The following DST variants were observed in gnomAD, a reference collection of about 807,000 sequenced individuals.
The protein encoded by DST is bullous pemphigoid antigen.
Under a neutral mutation model 875.2 loss-of-function variants are expected in DST, and 253 were observed. That is an observed-to-expected ratio of 0.29 (90% CI 0.26 to 0.32). DST has a LOEUF of 0.32. Ranked by LOEUF, DST falls within the 10% of genes least tolerant of loss-of-function variation. The pLI is 1.00. For synonymous variants in DST, 3,124 were observed against 3,197.1 expected, an observed-to-expected ratio of 0.98 and a Z score of 0.77; for missense variants, 8,287 against 9,111.6, an observed-to-expected ratio of 0.91 and a Z score of 3.68.
intron 103 of DST, 48 bp downstream of exon 103, chr6:56,460,083 A>G: frequency 6.4e-7 from 1 of 1,568,446 alleles, no homozygotes; most frequent in Non-Finnish European, 8.7e-7. Flanking sequence ...TAATCCTCAG[A>G]TGACCATGCT....
At chr6:56,853,161 C>T (rs1766126099) in intron 3 of DST, among the ~76,000 whole-genome samples, 1 of 152,076 alleles carries the variant, frequency 6.6e-6, no homozygotes, top group Non-Finnish European at 1.5e-5. Context: ...AGCTGTCTTC[C>T]ATTTTATTTT....
In DST at chr6:56,607,375, T is replaced by C; in HGVS notation, c.7253A>G (p.Asn2418Ser). 1 of 1,612,956 alleles carries C rather than the reference T, an allele frequency of 6.2e-7. No homozygotes were observed. Among genetic ancestry groups the C allele is most frequent in the Non-Finnish European group, 8.5e-7 (1 of 1,179,614 alleles). Residue 2418 changes from asparagine (N) to serine (S), a missense_variant, in exon 40 of 104, where the codon AAT (asparagine) becomes AGT (serine). Coordinates refer to ENST00000680361, the MANE Select transcript of DST (RefSeq NM_001374736.1). Reference sequence around the variant, plus strand: ...TGAATCCCTGTTTGTATTATCTTCATTCTCTGTTTCATTCACACCACAGAA... The same window carrying C: ...TGAATCCCTGTTTGTATTATCTTCACTCTCTGTTTCATTCACACCACAGAA... ...SKFCGVNETE[N>S]EDNTNRDSPI... is the part of the protein sequence containing the mutation.
At chr6:56,800,275 T>C (rs1033571488) in intron 4 of DST, among the ~76,000 whole-genome samples, 1 of 152,224 alleles carries the variant, frequency 6.6e-6, no homozygotes, top group Non-Finnish European at 1.5e-5. Context: ...GTATAGTGTT[T>C]TGAAAGTTAT....
At chr6:56,704,809 A>G (rs1429287217) in intron 5 of DST, among the ~76,000 whole-genome samples, 1 of 152,194 alleles carries the variant, frequency 6.6e-6, no homozygotes, top group African/African-American at 2.4e-5. Flanking sequence ...AAATCCATAG[A>G]CGTGAGCTGG....
intron 33 of DST, among the ~76,000 whole-genome samples, chr6:56,627,575 C>T (rs1179633522): frequency 6.6e-6 from 1 of 152,130 alleles, no homozygotes; most frequent in African/African-American, 2.4e-5. Flanking sequence ...GAAAATAGAG[C>T]TAGAGATGAT....
Position 56,604,608 on chromosome 6 carries a change from C to G in DST, c.10020G>C (p.Lys3340Asn). Residue 3340 changes from lysine to asparagine, a missense_variant, in exon 40 of 104, where the codon AAG (lysine) becomes AAC (asparagine). This residue lies in a region of DST where 3,138 missense variants were observed against 3,116.6 expected (regional missense o/e 1.01). Coordinates refer to ENST00000680361, the MANE Select transcript of DST (RefSeq NM_001374736.1). Reference sequence around the variant, plus strand: ...GAGACAATTCAGGAATCTGAACCTCCTTTTCTTGGGATCTTGGAGACAAGG... The same window carrying G: ...GAGACAATTCAGGAATCTGAACCTCGTTTTCTTGGGATCTTGGAGACAAGG... ...EQALSPRSQE[K>N]EVQIPELSQV... 1.2e-6 allele frequency: 2 copies of G among 1,612,076 alleles called. No individual in the cohort carries two copies. Among genetic ancestry groups the G allele is most frequent in the Non-Finnish European group, 1.7e-6 (2 of 1,179,068 alleles).
intron 82 of DST, 97 bp downstream of exon 82, chr6:56,497,282 T>C (rs2095947640): frequency 7.0e-7 from 1 of 1,418,892 alleles, no homozygotes; most frequent in African/African-American, 1.4e-5. Context: ...AACTATATCT[T>C]TAAAGCCTTC....
At chr6:56,669,885 C>A (rs1462408964) in intron 10 of DST, among the ~76,000 whole-genome samples, 1 of 152,084 alleles carries the variant, frequency 6.6e-6, no homozygotes, top group East Asian at 1.9e-4. Flanking sequence ...TAAGTATTAG[C>A]GTGGATTTAG....
At chr6:56,777,622 C>A (rs553360219) in intron 4 of DST, among the ~76,000 whole-genome samples, 10 of 152,108 alleles carry the variant, frequency 6.6e-5, no homozygotes, top group African/African-American at 2.2e-4. Context: ...CCAAAAGGCA[C>A]AAGAAGGCAT....
intron 37 of DST, among the ~76,000 whole-genome samples, 159 bp downstream of exon 37, chr6:56,614,197 C>G (rs1031097625): frequency 1.3e-5 from 2 of 152,138 alleles, no homozygotes; most frequent in African/African-American, 4.8e-5. Context: ...AACTTTGATT[C>G]TTTGGGCAAG....
At chr6:56,913,492 C>T (rs1415998247) in intron 2 of DST, among the ~76,000 whole-genome samples, 3 of 152,222 alleles carry the variant, frequency 2.0e-5, no homozygotes, top group African/African-American at 7.2e-5. Flanking sequence ...CATGTCCATT[C>T]ATTTACATAT....
In DST at chr6:56,639,383, AGTGT is replaced by A; in HGVS notation, c.2860-24_2860-21del. 1 of 1,612,532 alleles carries A rather than the reference AGTGT, an allele frequency of 6.2e-7. No individual in the cohort carries two copies. Among genetic ancestry groups the A allele is most frequent in the Non-Finnish European group, 8.5e-7 (1 of 1,178,968 alleles). Reference sequence around the variant, plus strand: ...TAATTCCTTCAAGAAATAATTAAGAAGTGTGTTAGAAAAATATATAAACCTAAAA... The same window carrying A: ...TAATTCCTTCAAGAAATAATTAAGAAGTTAGAAAAATATATAAACCTAAAA... On this transcript the variant is annotated intron_variant, in intron 21 of 103. Coordinates refer to ENST00000680361, the MANE Select transcript of DST (RefSeq NM_001374736.1).
intron 46 of DST, 28 bp downstream of exon 46, chr6:56,598,448 A>G (rs1289479202): frequency 1.1e-5 from 15 of 1,372,422 alleles, no homozygotes; most frequent in Non-Finnish European, 1.3e-5. Flanking sequence ...TGACATAGCA[A>G]TAGTGCACCA....
chr6:56,548,444 G>A (rs1042970709), intron 61 of DST, among the ~76,000 whole-genome samples: 4 of 152,190 alleles, frequency 2.6e-5, no homozygotes, highest in Non-Finnish European at 5.9e-5. Flanking sequence ...GACCTGATTG[G>A]CTGTTAATCA....
intron 4 of DST, among the ~76,000 whole-genome samples, chr6:56,779,980 G>C (rs1165489358): frequency 6.8e-6 from 1 of 147,732 alleles, no homozygotes; most frequent in African/African-American, 2.5e-5. Context: ...GGGGTGTTTG[G>C]TTTTTTGTCC....
chr6:56,840,171 TC>T (rs1161692035), intron 4 of DST, among the ~76,000 whole-genome samples: 1 of 152,102 alleles, frequency 6.6e-6, no homozygotes, highest in Non-Finnish European at 1.5e-5. Context: ...AAACAAATAT[TC>T]CAATGATAAA....
At chr6:56,546,816 A>G (rs768102470) in intron 61 of DST, among the ~76,000 whole-genome samples, 26 of 152,258 alleles carry the variant, frequency 1.7e-4, no homozygotes, top group Middle Eastern at 3.4e-3. Flanking sequence ...CCATATTAAT[A>G]AAATACATTA....
At chr6:56,916,007 G>C (rs1274441735) in intron 2 of DST, among the ~76,000 whole-genome samples, 1 of 152,204 alleles carries the variant, frequency 6.6e-6, no homozygotes, top group Non-Finnish European at 1.5e-5. Context: ...AAGCCATAAG[G>C]CAGATGGGAA....
intron 4 of DST, among the ~76,000 whole-genome samples, chr6:56,806,881 A>C (rs1228992889): frequency 6.6e-6 from 1 of 152,226 alleles, no homozygotes; most frequent in Non-Finnish European, 1.5e-5. Context: ...AAACTTGACC[A>C]AGGTCACTCC....
Sources: gnomAD v4.1 joint callset for allele counts (sites outside exome capture counted in the v4.1 genomes callset) on GRCh38, gnomAD v4.1.1 for gene constraint, gnomAD v4.1.1 regional missense constraint, MANE v1.5 for transcripts, NCBI Gene and HGNC (gene_info 2026-07-23, HGNC 2026-07-21) for gene names.